The following CNTN4 variants were observed in gnomAD, a reference collection of about 807,000 sequenced individuals.
CNTN4 encodes contactin 4.
Under a neutral mutation model 122.5 loss-of-function variants are expected in CNTN4, and 77 were observed. The ratio of observed to expected loss-of-function variants is 0.63; its 90% CI spans 0.52 to 0.76. The LOEUF is 0.76. Among genes scored for constraint, CNTN4 ranks in the 30% least tolerant of loss-of-function variants. The pLI, the probability that CNTN4 is intolerant of heterozygous loss-of-function variation, is 0.00. For synonymous variants in CNTN4, 512 were observed against 447.0 expected (o/e 1.15, Z -1.83); for missense variants, 1,256 against 1,259.1 (o/e 1.00, Z 0.04).
chr3:2,168,310 G>C (rs1158364932), intron 2 of CNTN4, among the ~76,000 whole-genome samples: 2 of 152,048 alleles, frequency 1.3e-5, no homozygotes, highest in African/African-American at 4.8e-5. Flanking sequence ...AAATTAGCAA[G>C]GACCAAAAAT....
At chr3:2,952,401 A>G (rs2124866314) in intron 13 of CNTN4, among the ~76,000 whole-genome samples, 1 of 152,262 alleles carries the variant, frequency 6.6e-6, no homozygotes, top group Admixed American at 6.5e-5. Flanking sequence ...TTGTACTTAA[A>G]ATGGACTTAA....
At chr3:2,808,834 C>T (rs2092535423) in intron 6 of CNTN4, among the ~76,000 whole-genome samples, 2 of 152,182 alleles carry the variant, frequency 1.3e-5, no homozygotes, top group African/African-American at 4.8e-5. Flanking sequence ...TGAAGTTATT[C>T]TCCAAAGCTT....
At chr3:2,829,095 G>A (rs571885118) in intron 7 of CNTN4, among the ~76,000 whole-genome samples, 1 of 152,248 alleles carries the variant, frequency 6.6e-6, no homozygotes, top group African/African-American at 2.4e-5. Context: ...GTGTTCCTTT[G>A]AAAGATATGA....
chr3:2,930,474 T>C (rs2094510108), intron 13 of CNTN4, among the ~76,000 whole-genome samples: 1 of 152,194 alleles, frequency 6.6e-6, no homozygotes, highest in Non-Finnish European at 1.5e-5. Flanking sequence ...TGAGACAAAA[T>C]ATTTTACTTT....
chr3:2,365,100 T>A (rs1178994352), intron 3 of CNTN4, among the ~76,000 whole-genome samples: 1 of 144,548 alleles, frequency 6.9e-6, no homozygotes, highest in African/African-American at 2.9e-5. Flanking sequence ...TTGGTTTAAT[T>A]TTTTTTTTAT....
chr3:2,494,433 A>G (rs1302460013), intron 3 of CNTN4, among the ~76,000 whole-genome samples: 1 of 152,172 alleles, frequency 6.6e-6, no homozygotes, highest in African/African-American at 2.4e-5. Flanking sequence ...CTGACTGAAG[A>G]GATGAGGTCA....
chr3:2,994,515 G>A (rs905007308), intron 14 of CNTN4, among the ~76,000 whole-genome samples: 2 of 151,112 alleles, frequency 1.3e-5, no homozygotes, highest in South Asian at 2.1e-4. Context: ...AGCATTTAAC[G>A]GATTCCTTTA....
intron 3 of CNTN4, among the ~76,000 whole-genome samples, chr3:2,340,163 G>A (rs971491731): frequency 6.6e-6 from 1 of 152,062 alleles, no homozygotes; most frequent in African/African-American, 2.4e-5. Flanking sequence ...TTGGAGATTA[G>A]GATTTCAACA....
intron 2 of CNTN4, among the ~76,000 whole-genome samples, chr3:2,256,179 G>A (rs1300133628): frequency 1.3e-5 from 2 of 151,976 alleles, no homozygotes; most frequent in Non-Finnish European, 2.9e-5. Context: ...GCAAATAAAC[G>A]AGAAAATCTG....
intron 3 of CNTN4, among the ~76,000 whole-genome samples, chr3:2,357,362 C>G (rs925064353): frequency 6.6e-6 from 1 of 152,170 alleles, no homozygotes; most frequent in African/African-American, 2.4e-5. Context: ...GAATTAAAAG[C>G]TAGATTCTGG....
chr3:2,134,080 A>G (rs1574908500), intron 2 of CNTN4, among the ~76,000 whole-genome samples: 2 of 152,194 alleles, frequency 1.3e-5, no homozygotes, highest in African/African-American at 4.8e-5. Flanking sequence ...TTATTGGAAA[A>G]GACTATGGAG....
At chr3:2,607,350 A>G (rs1007746250) in intron 4 of CNTN4, among the ~76,000 whole-genome samples, 1 of 152,168 alleles carries the variant, frequency 6.6e-6, no homozygotes, top group Admixed American at 6.6e-5. Flanking sequence ...ATGTTCACCA[A>G]GGCATCATTT....
intron 3 of CNTN4, among the ~76,000 whole-genome samples, chr3:2,488,349 A>G (rs1312939567): frequency 6.6e-6 from 1 of 152,106 alleles, no homozygotes; most frequent in Non-Finnish European, 1.5e-5. Flanking sequence ...CATTCTCCCC[A>G]TGTCTTGGGT....
At chr3:2,233,247 G>A (rs2039556443) in intron 2 of CNTN4, among the ~76,000 whole-genome samples, 1 of 152,042 alleles carries the variant, frequency 6.6e-6, no homozygotes, top group Non-Finnish European at 1.5e-5. Context: ...ATCCCTGTCT[G>A]AAATCCACTG....
At chr3:2,533,967 G>C (rs768170255) in intron 3 of CNTN4, among the ~76,000 whole-genome samples, 3 of 146,366 alleles carry the variant, frequency 2.0e-5, no homozygotes, top group Admixed American at 6.8e-5. Flanking sequence ...TTTTTTTCTT[G>C]TAAATTTGTT....
chr3:2,500,241 C>G (rs2076560960), intron 3 of CNTN4, among the ~76,000 whole-genome samples: 1 of 152,046 alleles, frequency 6.6e-6, no homozygotes, highest in Non-Finnish European at 1.5e-5. Context: ...CACCTTCTTT[C>G]TGAGGCCCAT....
intron 4 of CNTN4, among the ~76,000 whole-genome samples, chr3:2,610,716 C>G (rs1391735628): frequency 7.9e-5 from 12 of 152,108 alleles, no homozygotes; most frequent in African/African-American, 2.9e-4. Flanking sequence ...TAATAGGTAT[C>G]TCATATGACT....
intron 3 of CNTN4, among the ~76,000 whole-genome samples, chr3:2,529,688 TAGGC>T (rs201967231): frequency 0.085 from 12,951 of 152,150 alleles, 1,205 homozygotes; most frequent in East Asian, 0.48. Flanking sequence ...GATCTTTGCA[TAGGC>T]TAAACTATTC....
rs7649181 is a variant in CNTN4, at chr3:2,542,692, G to T, written c.-88-28724G>T. On this transcript the variant is annotated intron_variant, in intron 3 of 24. Coordinates refer to ENST00000418658, the MANE Select transcript of CNTN4 (RefSeq NM_175607.3). ...AGCATGAGGCTTCTGTCATCATAGAGATGCTTTGTGGTACTTTCTCTTCTT... is the reference window on the plus strand; with the variant it reads ...AGCATGAGGCTTCTGTCATCATAGATATGCTTTGTGGTACTTTCTCTTCTT... 0.041 allele frequency among the ~76,000 whole-genome samples: 6,192 copies of T among 152,210 alleles called. 185 individuals carry two copies. The highest frequency in any genetic ancestry group is 0.061 in the Non-Finnish European group (4,163 of 68,006).
Sources: allele counts gnomAD v4.1 joint callset (sites outside exome capture counted in the v4.1 genomes callset), GRCh38; gene constraint gnomAD v4.1.1; transcripts MANE v1.5; gene names NCBI Gene and HGNC (gene_info 2026-07-23, HGNC 2026-07-21).